Variants in KIRREL3 observed in about 807,000 individuals in gnomAD.
The protein encoded by KIRREL3 is kirre like nephrin family adhesion molecule 3, also known as kin of IRRE-like protein 3.
A neutral mutation model predicts 89.7 loss-of-function variants in KIRREL3; 36 were observed. The observed-to-expected ratio is 0.40, with a 90% CI of 0.31 to 0.53. The LOEUF is 0.53. Ranked by LOEUF, KIRREL3 falls within the 20% of genes least tolerant of loss-of-function variation. The pLI, the probability that KIRREL3 is intolerant of heterozygous loss-of-function variation, is 0.49. For synonymous variants in KIRREL3, 445 were observed against 441.4 expected, an observed-to-expected ratio of 1.01 and a Z score of -0.10; for missense variants, 864 against 1,056.6, an observed-to-expected ratio of 0.82 and a Z score of 2.53.
rs933248081 is a variant in KIRREL3 at position 126,428,696 on chromosome 11, G to C, written c.1806+483C>G. Among the ~76,000 whole-genome samples the C allele has an allele frequency of 6.6e-6, 1 of 152,064 alleles. No homozygotes were observed. The highest frequency in any genetic ancestry group is 1.5e-5 in the Non-Finnish European group (1 of 68,024). On this transcript the variant is annotated intron_variant, in intron 15 of 16. Coordinates refer to ENST00000525144, the MANE Select transcript of KIRREL3 (RefSeq NM_032531.4). This position sits in a 1 kb window ranked among gnomAD's most constrained non-coding sequence, Gnocchi z 6.4. Reference sequence around the variant, plus strand: ...TGGAGTCTCGCTCTCACCCAGGCTGGGGTGCAGTGGCCTGATCTCAGCTCA... The same window carrying C: ...TGGAGTCTCGCTCTCACCCAGGCTGCGGTGCAGTGGCCTGATCTCAGCTCA...
rs575712484 is a variant in KIRREL3, at chr11:126,428,202, A to G, written c.1806+977T>C. 5.4e-4 allele frequency among the ~76,000 whole-genome samples: 82 copies of G among 152,116 alleles called. No individual in the cohort carries two copies. The highest frequency in any genetic ancestry group is 1.4e-3 in the Admixed American group (21 of 15,270). ...CAGCCCTGTATACTGTGGCTTTCAG[A>G]CCCATCTCATGGATGAGGACATGGA... On this transcript the variant is annotated intron_variant, in intron 15 of 16. Transcript: ENST00000525144. This position sits in a 1 kb window ranked among gnomAD's most constrained non-coding sequence, Gnocchi z 6.4.
At chr11:126,674,095 A>G (rs867203640) in intron 1 of KIRREL3, among the ~76,000 whole-genome samples, 2 of 152,242 alleles carry the variant, frequency 1.3e-5, no homozygotes, top group South Asian at 4.1e-4. Flanking sequence ...CTCATCTTCA[A>G]TGCTCCTAGA....
chr11:126,771,674 G>A lies in KIRREL3; in HGVS notation c.56-208762C>T, dbSNP rs1950025601. Among the ~76,000 whole-genome samples, 1 of 152,146 alleles carries A rather than the reference G, an allele frequency of 6.6e-6. No homozygotes were observed. ...ATCCATGGGCAGTTAATAAATATTTGCTGAATGAATGACTGGCTTCTACTG... is the reference window on the plus strand; with the variant it reads ...ATCCATGGGCAGTTAATAAATATTTACTGAATGAATGACTGGCTTCTACTG... On this transcript the variant is annotated intron_variant, in intron 1 of 16. Transcript: ENST00000525144. The surrounding 1 kb of genome is among the most constrained non-coding windows in gnomAD (Gnocchi z 4.4).
Position 126,778,976 on chromosome 11 carries a change from G to C in KIRREL3, c.56-216064C>G, listed in dbSNP as rs1950247076. Among the ~76,000 whole-genome samples the C allele has an allele frequency of 6.6e-6, 1 of 152,160 alleles. No homozygotes were observed. The highest frequency in any genetic ancestry group is 1.5e-5 in the Non-Finnish European group (1 of 68,032). ...GTAAGAGCACCTAGCGCGGAACTTGGAACACAGCAGAAACTCAACAAATGC... is the reference window on the plus strand; with the variant it reads ...GTAAGAGCACCTAGCGCGGAACTTGCAACACAGCAGAAACTCAACAAATGC... On this transcript the variant is annotated intron_variant, in intron 1 of 16. Coordinates refer to ENST00000525144, the MANE Select transcript of KIRREL3 (RefSeq NM_032531.4). The surrounding 1 kb of genome is among the most constrained non-coding windows in gnomAD (Gnocchi z 4.5).
In KIRREL3 at chr11:126,677,879, C is replaced by A. The variant is rs942833047; in HGVS notation, c.56-114967G>T. Among the ~76,000 whole-genome samples, 3 of 152,086 alleles carry A rather than the reference C, an allele frequency of 2.0e-5. No individual in the cohort carries two copies. Among genetic ancestry groups the A allele is most frequent in the African/African-American group, 7.2e-5 (3 of 41,412 alleles). ...ATACCTGGTGCCCTGGGAATGTTCC[C>A]AACCAGATGATTATGGCTGTTGTCA... On this transcript the variant is annotated intron_variant, in intron 1 of 16. Coordinates refer to ENST00000525144, the MANE Select transcript of KIRREL3 (RefSeq NM_032531.4). The surrounding 1 kb of genome is among the most constrained non-coding windows in gnomAD (Gnocchi z 5.1).
chr11:126,436,841 C>T lies in KIRREL3; in HGVS notation c.1522G>A (p.Asp508Asn), dbSNP rs372347950. The T allele has an allele frequency of 7.4e-6, 12 of 1,613,578 alleles. No individual in the cohort carries two copies. The highest frequency in any genetic ancestry group is 1.1e-5 in the South Asian group (1 of 91,058). Reference sequence around the variant, plus strand: ...TCCTTGAGCCGGATGATCTCAGTGTCGGAGCCGAAGCTGTTCCAGGCCGTG... The same window carrying T: ...TCCTTGAGCCGGATGATCTCAGTGTTGGAGCCGAAGCTGTTCCAGGCCGTG... The part of the protein sequence containing the change: ...NCTAWNSFGS[D>N]TEIIRLKEQG... The change falls in exon 12 of 17, where the codon GAC becomes AAC. Residue 508 changes from aspartate (D) to asparagine (N), a missense_variant. Coordinates refer to ENST00000525144, the MANE Select transcript of KIRREL3 (RefSeq NM_032531.4).
chr11:126,425,446 T>C (rs926994948), intron 16 of KIRREL3, among the ~76,000 whole-genome samples, 192 bp downstream of exon 16: 1 of 152,184 alleles, frequency 6.6e-6, no homozygotes, highest in Non-Finnish European at 1.5e-5. Context: ...CAGCCTTAGC[T>C]CTCTCAGCCT....
rs1956877852 is a variant in KIRREL3, at chr11:126,471,133, G to C, written c.591+2176C>G. Reference sequence around the variant, plus strand: ...AGCACTTTGGGAGGCTGAGGCAGGTGGATCACCTGAGGTCGGGAGTTTGAG... The same window carrying C: ...AGCACTTTGGGAGGCTGAGGCAGGTCGATCACCTGAGGTCGGGAGTTTGAG... On this transcript the variant is annotated intron_variant, in intron 5 of 16. Transcript: ENST00000525144. This position sits in a 1 kb window ranked among gnomAD's most constrained non-coding sequence, Gnocchi z 5.4. Among the ~76,000 whole-genome samples the C allele has an allele frequency of 6.6e-6, 1 of 152,144 alleles. No homozygotes were observed. The highest frequency in any genetic ancestry group is 1.5e-5 in the Non-Finnish European group (1 of 68,030).
Position 126,688,072 on chromosome 11 carries a change from C to T in KIRREL3, c.56-125160G>A, listed in dbSNP as rs1946734450. On this transcript the variant is annotated intron_variant, in intron 1 of 16. Transcript: ENST00000525144. Reference sequence around the variant, plus strand: ...ACGACTCCTGCCTCTGCTAGTATGTCAATTCCGAGAGGCCTAAAATAATTT... The same window carrying T: ...ACGACTCCTGCCTCTGCTAGTATGTTAATTCCGAGAGGCCTAAAATAATTT... 2.6e-5 allele frequency among the ~76,000 whole-genome samples: 4 copies of T among 152,348 alleles called. No individual in the cohort carries two copies. The South Asian group carries it at 8.3e-4, about 32-fold the overall frequency.
chr11:126,468,394 T>C (rs1287930055), intron 5 of KIRREL3, among the ~76,000 whole-genome samples: 3 of 152,250 alleles, frequency 2.0e-5, no homozygotes, highest in Non-Finnish European at 4.4e-5. Context: ...CAGTGGGCAC[T>C]GCCCAAGGCC....
At chr11:126,524,190 C>A (rs1278686813) in intron 3 of KIRREL3, among the ~76,000 whole-genome samples, 1 of 152,204 alleles carries the variant, frequency 6.6e-6, no homozygotes, top group Admixed American at 6.5e-5. Context: ...TTACTATGTG[C>A]CAGTCCCCAT....
intron 1 of KIRREL3, among the ~76,000 whole-genome samples, chr11:126,792,772 T>C (rs925514526): frequency 6.6e-6 from 1 of 152,250 alleles, no homozygotes; most frequent in Non-Finnish European, 1.5e-5. Flanking sequence ...TGGAAAATGC[T>C]ATATAAAGTC....
In KIRREL3 at chr11:126,647,180, T is replaced by C. The variant is rs1296314514; in HGVS notation, c.56-84268A>G. Among the ~76,000 whole-genome samples, 2 of 152,152 alleles carry C rather than the reference T, an allele frequency of 1.3e-5. No homozygotes were observed. The highest frequency in any genetic ancestry group is 4.8e-5 in the African/African-American group (2 of 41,440). On this transcript the variant is annotated intron_variant, in intron 1 of 16. Transcript: ENST00000525144. The surrounding 1 kb of genome is among the most constrained non-coding windows in gnomAD (Gnocchi z 4.9). ...AGCATGGACAGCATTTCACAATATT[T>C]AGGGAGCCCAGGCTCACCCCTGCTA...
chr11:126,913,615 A>C (rs1331046058), intron 1 of KIRREL3, among the ~76,000 whole-genome samples: 1 of 152,254 alleles, frequency 6.6e-6, no homozygotes, highest in East Asian at 1.9e-4. Flanking sequence ...CATTGCCTTC[A>C]TCAAGCGGTA....
chr11:126,863,383 T>TTGAGTGCGTGTGTG (rs1944770148), intron 1 of KIRREL3, among the ~76,000 whole-genome samples: 1 of 79,180 alleles, frequency 1.3e-5, no homozygotes, highest in African/African-American at 5.5e-5. Context: ...GTGTGTGTGT[T>TTGAGTGCGTGTGTG]TGAGTGCGTG....
chr11:126,636,871 C>A lies in KIRREL3; in HGVS notation c.56-73959G>T, dbSNP rs1944285376. On this transcript the variant is annotated intron_variant, in intron 1 of 16. Coordinates refer to ENST00000525144, the MANE Select transcript of KIRREL3 (RefSeq NM_032531.4). This position sits in a 1 kb window ranked among gnomAD's most constrained non-coding sequence, Gnocchi z 4.4. ...GCAAGGCACTTAATGCCATTGCATG[C>A]CATTGTCACATCAATACAATGAAAG... is the stretch of plus-strand genomic sequence containing the variant. 6.6e-6 allele frequency among the ~76,000 whole-genome samples: 1 copy of A among 152,196 alleles called. No homozygotes were observed. Among genetic ancestry groups the A allele is most frequent in the African/African-American group, 2.4e-5 (1 of 41,440 alleles).
intron 7 of KIRREL3, among the ~76,000 whole-genome samples, chr11:126,450,580 C>CA (rs1956029356): frequency 7.3e-6 from 1 of 136,238 alleles, no homozygotes; most frequent in Non-Finnish European, 1.6e-5. Context: ...TGCATGTGTG[C>CA]ATGTGCATGT....
In KIRREL3 at chr11:126,694,956, C is replaced by T. The variant is rs1004161247; in HGVS notation, c.56-132044G>A. ...TTTGCTTTGATTGGGAGATGAGATG[C>T]GAGTCTCAATGCCTAGAATGCTCTA... On this transcript the variant is annotated intron_variant, in intron 1 of 16. Transcript: ENST00000525144. This position sits in a 1 kb window ranked among gnomAD's most constrained non-coding sequence, Gnocchi z 4.4. Among the ~76,000 whole-genome samples the T allele has an allele frequency of 3.9e-5, 6 of 152,272 alleles. No homozygotes were observed. Among genetic ancestry groups the T allele is most frequent in the East Asian group, 3.9e-4 (2 of 5,182 alleles).
chr11:126,500,956 T>C (rs1353366473), intron 4 of KIRREL3, among the ~76,000 whole-genome samples: 2 of 152,178 alleles, frequency 1.3e-5, no homozygotes, highest in Non-Finnish European at 2.9e-5. Context: ...CTGTTGCATT[T>C]GTCCACCTGT....
Sources: gnomAD v4.1 joint callset for allele counts (sites outside exome capture counted in the v4.1 genomes callset) on GRCh38, gnomAD v4.1.1 for gene constraint, Gnocchi (gnomAD v3.1) non-coding constraint, MANE v1.5 for transcripts, NCBI Gene and HGNC (gene_info 2026-07-23, HGNC 2026-07-21) for gene names.